Variants in WWC2 observed in about 807,000 individuals in gnomAD.
WWC2 encodes WW and C2 domain containing 2.
Under a neutral mutation model 138.5 loss-of-function variants are expected in WWC2, and 101 were observed. The ratio of observed to expected loss-of-function variants is 0.73; its 90% CI spans 0.62 to 0.86. The LOEUF is 0.86. WWC2 is among the 40% of genes least tolerant of loss of function. WWC2 has a pLI of 0.00. For missense variants in WWC2, 1,420 were observed against 1,419.4 expected (o/e 1.00, Z -0.01); for synonymous variants, 558 against 538.4 (o/e 1.04, Z -0.50).
At chr4:183,176,304 C>T (rs1347072247) in intron 1 of WWC2, among the ~76,000 whole-genome samples, 1 of 152,092 alleles carries the variant, frequency 6.6e-6, no homozygotes, top group Non-Finnish European at 1.5e-5. Context: ...TGCTTAGGAA[C>T]GTTTCTTAGT....
chr4:183,167,532 C>T lies in WWC2; in HGVS notation c.132-26067C>T, dbSNP rs190416142. ...TACTCCGGATGTCCTGATGTCCCCTCCAATTAACATCTTTCTGGTCAAAAT... is the reference window on the plus strand; with the variant it reads ...TACTCCGGATGTCCTGATGTCCCCTTCAATTAACATCTTTCTGGTCAAAAT... On this transcript the variant is annotated intron_variant, in intron 1 of 22. Transcript: ENST00000403733. Among the ~76,000 whole-genome samples the T allele has an allele frequency of 4.9e-4, 75 of 152,258 alleles. 1 individual carries two copies. The East Asian group carries it at 0.01, about 20-fold the overall frequency.
At chr4:183,251,716 G>A (rs370756294) in intron 8 of WWC2, among the ~76,000 whole-genome samples, 80 of 152,264 alleles carry the variant, frequency 5.3e-4, no homozygotes, top group African/African-American at 1.8e-3. Context: ...TTTCCCACTT[G>A]GTTGCATTGG....
chr4:183,183,650 T>C (rs1421526426), intron 1 of WWC2, among the ~76,000 whole-genome samples: 2 of 152,122 alleles, frequency 1.3e-5, no homozygotes, highest in African/African-American at 4.8e-5. Flanking sequence ...TGTTGGTGTG[T>C]ACCTGCAGTT....
chr4:183,278,210 C>G (rs1580140491), intron 16 of WWC2, among the ~76,000 whole-genome samples: 2 of 151,930 alleles, frequency 1.3e-5, no homozygotes, highest in South Asian at 4.1e-4. Flanking sequence ...AGCCAGTTTT[C>G]CCAGCACCAT....
intron 3 of WWC2, 142 bp from the exon 4 acceptor site, chr4:183,208,807 G>A: frequency 1.7e-6 from 1 of 594,972 alleles, no homozygotes; most frequent in Non-Finnish European, 3.0e-6. Flanking sequence ...ATATTTAGGT[G>A]TCTGATCAAT....
In WWC2 at chr4:183,282,919, C is replaced by T; in HGVS notation, c.2883+13C>T. 1 of 1,562,046 alleles carries T rather than the reference C, an allele frequency of 6.4e-7. No homozygotes were observed. On this transcript the variant is annotated intron_variant, in intron 18 of 22. Transcript: ENST00000403733. The stretch of plus-strand genomic sequence containing the variant: ...AATACCAACACTGGTGACTATTCCG[C>T]TGTGCTGTCTTAAAACTGATACCTT...
chr4:183,187,554 A>AATAATAATAAT (rs1734844385), intron 1 of WWC2, among the ~76,000 whole-genome samples: 1 of 127,634 alleles, frequency 7.8e-6, no homozygotes, highest in African/African-American at 3.0e-5. Flanking sequence ...CTCCGTCTCA[A>AATAATAATAAT]AATAATAATA....
At position 183,265,292 on chromosome 4, in the gene WWC2, C is replaced by T. The variant is rs375628541; in HGVS notation, c.2039+185C>T. ...AAAATGACTTAGCCATGGAAATTATCGATAAACAGATTGGTGTACCCAGAG... is the reference window on the plus strand; with the variant it reads ...AAAATGACTTAGCCATGGAAATTATTGATAAACAGATTGGTGTACCCAGAG... On this transcript the variant is annotated intron_variant, in intron 12 of 22. Coordinates refer to ENST00000403733, the MANE Select transcript of WWC2 (RefSeq NM_024949.6). Among the ~76,000 whole-genome samples, 43 of 152,268 alleles carry T rather than the reference C, an allele frequency of 2.8e-4. No individual in the cohort carries two copies. In the East Asian group the frequency reaches 6.0e-3, roughly 21 times the overall value.
chr4:183,182,021 AC>A (rs1334757484), intron 1 of WWC2, among the ~76,000 whole-genome samples: 2 of 152,208 alleles, frequency 1.3e-5, no homozygotes, highest in African/African-American at 2.4e-5. Context: ...TATATTTTGT[AC>A]ATAATATTAT....
intron 12 of WWC2, among the ~76,000 whole-genome samples, chr4:183,265,409 AC>A (rs1327952377): frequency 6.6e-6 from 1 of 152,210 alleles, no homozygotes; most frequent in Non-Finnish European, 1.5e-5. Context: ...GAAGCTTCTC[AC>A]GTGTATTTCT....
chr4:183,283,201 C>CCTAGGAGAACAACAGGGTGT (rs1295642598), intron 18 of WWC2, among the ~76,000 whole-genome samples: 2 of 152,128 alleles, frequency 1.3e-5, no homozygotes, highest in Non-Finnish European at 2.9e-5. Flanking sequence ...TTTCTGAATT[C>CCTAGGAGAACAACAGGGTGT]CTAGGAGAAC....
intron 1 of WWC2, among the ~76,000 whole-genome samples, chr4:183,187,554 A>AAATAATAAT (rs371158154): frequency 0.13 from 16,462 of 127,376 alleles, 1,384 homozygotes; most frequent in African/African-American, 0.21. Context: ...CTCCGTCTCA[A>AAATAATAAT]AATAATAATA....
At chr4:183,149,731 G>T (rs1440141594) in intron 1 of WWC2, among the ~76,000 whole-genome samples, 1 of 141,206 alleles carries the variant, frequency 7.1e-6, no homozygotes, top group Non-Finnish European at 1.5e-5. Context: ...CTTGTAAATT[G>T]ATAGTGGATC....
chr4:183,257,778 C>T (rs1328667852), intron 9 of WWC2, among the ~76,000 whole-genome samples: 1 of 152,154 alleles, frequency 6.6e-6, no homozygotes, highest in Non-Finnish European at 1.5e-5. Context: ...CAGTGCCTTC[C>T]TCATGCTTCT....
At chr4:183,138,289 A>T (rs1386819433) in intron 1 of WWC2, among the ~76,000 whole-genome samples, 3 of 152,148 alleles carry the variant, frequency 2.0e-5, no homozygotes, top group Admixed American at 2.0e-4. Context: ...CTTTACCATT[A>T]TAAGAGGATC....
chr4:183,219,637 G>A (rs949502378), intron 4 of WWC2, among the ~76,000 whole-genome samples: 11 of 152,154 alleles, frequency 7.2e-5, no homozygotes, highest in African/African-American at 2.2e-4. Context: ...GGGGGAGAAC[G>A]GAAGGATGCT....
chr4:183,233,139 T>C (rs1736305235), intron 4 of WWC2, among the ~76,000 whole-genome samples: 3 of 149,984 alleles, frequency 2.0e-5, no homozygotes, highest in Admixed American at 1.3e-4. Context: ...TTTTTTTTTC[T>C]TTTTAAACCT....
intron 22 of WWC2, among the ~76,000 whole-genome samples, chr4:183,313,285 C>T (rs1274298806): frequency 2.0e-5 from 3 of 152,158 alleles, no homozygotes; most frequent in African/African-American, 7.2e-5. Flanking sequence ...TGGTCTCTGA[C>T]GGGCGGCCAG....
chr4:183,213,925 T>TA (rs759954959), intron 4 of WWC2, among the ~76,000 whole-genome samples: 3,886 of 142,766 alleles, frequency 0.027, 56 homozygotes, highest in Non-Finnish European at 0.032. Flanking sequence ...CAATTGCCGT[T>TA]AAAAAAAAAA....
Sources: gnomAD v4.1 joint callset for allele counts (sites outside exome capture counted in the v4.1 genomes callset) on GRCh38, gnomAD v4.1.1 for gene constraint, MANE v1.5 for transcripts, NCBI Gene and HGNC (gene_info 2026-07-23, HGNC 2026-07-21) for gene names.